Variants in ZSCAN25 observed in about 807,000 individuals in gnomAD.
The protein encoded by ZSCAN25 is zinc finger and SCAN domain-containing protein 25.
Under a neutral mutation model 38.7 loss-of-function variants are expected in ZSCAN25, and 27 were observed. The ratio of observed to expected loss-of-function variants is 0.70; its 90% confidence interval spans 0.51 to 0.96. ZSCAN25 has a LOEUF of 0.96. Ranked by LOEUF, ZSCAN25 falls within the 40% of genes least tolerant of loss-of-function variation. The pLI is 0.00. For missense variants in ZSCAN25, 637 were observed against 705.9 expected (o/e 0.90, Z 1.11); for synonymous variants, 273 against 277.7 (o/e 0.98, Z 0.17).
At chr7:99,660,517 A>G in the ZSCAN25 span, 6 of 1,612,784 alleles carry the variant, frequency 3.7e-6, no homozygotes, top group Admixed American at 1.7e-5. Context: ...GCAAAACTGC[A>G]TCAATCTCCT....
At chr7:99,705,353 A>G in the ZSCAN25 span, 10 of 873,128 alleles carry the variant, frequency 1.1e-5, no homozygotes, top group Middle Eastern at 2.2e-4. Context: ...AGAGAGCACA[A>G]TGCACGTACA....
downstream of ZSCAN25, among the ~76,000 whole-genome samples, chr7:99,632,927 A>G (rs182058367): frequency 6.6e-6 from 1 of 150,492 alleles, no homozygotes; most frequent in Non-Finnish European, 1.5e-5. Context: ...CTTGAGATTT[A>G]TTCATTTTAA....
chr7:99,667,314 C>G, the ZSCAN25 span, among the ~76,000 whole-genome samples: 1 of 152,204 alleles, frequency 6.6e-6, no homozygotes, highest in Non-Finnish European at 1.5e-5. Context: ...ATCTCAGTCT[C>G]CTTTTAATTG....
At chr7:99,647,468 C>T in the ZSCAN25 span, 2 of 984,450 alleles carry the variant, frequency 2.0e-6, no homozygotes, top group South Asian at 4.7e-5. Flanking sequence ...ATTTTTTATT[C>T]AGTGTTCATT....
intron 7 of ZSCAN25, among the ~76,000 whole-genome samples, chr7:99,626,200 C>G (rs1807455890): frequency 6.6e-6 from 1 of 152,190 alleles, no homozygotes; most frequent in Non-Finnish European, 1.5e-5. Context: ...GTAGCAGGTG[C>G]AGAAACCTGA....
At chr7:99,638,423 G>A in the ZSCAN25 span, 1 of 1,577,920 alleles carries the variant, frequency 6.3e-7, no homozygotes, top group Non-Finnish European at 8.7e-7. Context: ...TGAGGATTAT[G>A]GCATCCCTCA....
At chr7:99,669,888 G>T in the ZSCAN25 span, among the ~76,000 whole-genome samples, 1 of 152,156 alleles carries the variant, frequency 6.6e-6, no homozygotes, top group Admixed American at 6.5e-5. Context: ...AGAGGGACTT[G>T]TACAATTAAT....
the ZSCAN25 span, chr7:99,660,640 G>C: frequency 6.2e-7 from 1 of 1,613,872 alleles, no homozygotes; most frequent in Non-Finnish European, 8.5e-7. Context: ...ACTGGGCTGC[G>C]AGCTCCAGAT....
the ZSCAN25 span, among the ~76,000 whole-genome samples, chr7:99,689,852 A>G: frequency 1.1e-4 from 16 of 152,254 alleles, no homozygotes; most frequent in African/African-American, 3.9e-4. Flanking sequence ...AAGAATCAAT[A>G]TTGTGAAAAT....
the ZSCAN25 span, among the ~76,000 whole-genome samples, chr7:99,655,805 A>G: frequency 6.6e-6 from 1 of 152,168 alleles, no homozygotes; most frequent in Non-Finnish European, 1.5e-5. Context: ...ATCCCTTGTA[A>G]GTTGAATTCC....
At chr7:99,730,291 T>C in the ZSCAN25 span, among the ~76,000 whole-genome samples, 1 of 152,238 alleles carries the variant, frequency 6.6e-6, no homozygotes, top group East Asian at 1.9e-4. Flanking sequence ...ATTCTGCCTT[T>C]GTGTAAAAAA....
At chr7:99,683,222 T>A in the ZSCAN25 span, among the ~76,000 whole-genome samples, 25 of 152,318 alleles carry the variant, frequency 1.6e-4, no homozygotes, top group South Asian at 5.2e-3. Context: ...CTGGTTCCTT[T>A]CAGTGGAAAA....
At position 99,619,812 on chromosome 7, in the gene ZSCAN25, G is replaced by A. The variant is rs746507735; in HGVS notation, c.206G>A (p.Arg69Gln). 2.7e-5 allele frequency: 43 copies of A among 1,614,126 alleles called. No individual in the cohort carries two copies. Among genetic ancestry groups the A allele is most frequent in the East Asian group, 1.1e-4 (5 of 44,892 alleles). The change falls in exon 4 of 8, where the codon CGG becomes CAG. Residue 69 changes from arginine (R) to glutamine (Q), a missense_variant. Transcript: ENST00000394152. ...AGGGAGCTCCAGGAGCTCTGTCGTC[G>A]GTGGCTGAGGCCCGAGTTGCACACC... ...ALRELQELCR[R>Q]WLRPELHTKE...
At chr7:99,650,297 G>T in the ZSCAN25 span, 3 of 1,513,878 alleles carry the variant, frequency 2.0e-6, no homozygotes, top group African/African-American at 4.1e-5. Context: ...ACATGTTAGG[G>T]GTTCTTACTT....
the ZSCAN25 span, among the ~76,000 whole-genome samples, chr7:99,723,528 C>T: frequency 6.6e-6 from 1 of 152,140 alleles, no homozygotes; most frequent in African/African-American, 2.4e-5. Flanking sequence ...AGCTTTATTG[C>T]TCACACAAAG....
the ZSCAN25 span, chr7:99,665,113 G>T: frequency 9.2e-6 from 13 of 1,414,966 alleles, no homozygotes; most frequent in Middle Eastern, 1.8e-4. Context: ...TGAATTATAT[G>T]TCAAGAAAGC....
chr7:99,648,232 T>A, the ZSCAN25 span: 1 of 1,558,708 alleles, frequency 6.4e-7, no homozygotes, highest in Non-Finnish European at 8.7e-7. Context: ...AAGGTTTTAT[T>A]GACTAAGTTG....
the ZSCAN25 span, among the ~76,000 whole-genome samples, chr7:99,723,560 A>G: frequency 6.6e-6 from 1 of 152,122 alleles, no homozygotes; most frequent in African/African-American, 2.4e-5. Context: ...GTCTCTTCAC[A>G]TGGACGCAAA....
chr7:99,629,257 T>C lies in ZSCAN25; in HGVS notation c.872T>C (p.Leu291Pro), dbSNP rs751264586. 5.0e-6 allele frequency: 8 copies of C among 1,613,950 alleles called. No individual in the cohort carries two copies. The African/African-American group carries it at 1.1e-4, about 22-fold the overall frequency. The part of the protein sequence containing the change: ...QEDLKGALVA[L>P]TSERFGEASL... ...GACCTGAAAGGGGCGCTGGTGGCAC[T>C]GACATCAGAGAGGTTTGGGGAAGCC... Residue 291 changes from leucine to proline, a missense_variant, in exon 8 of 8, where the codon CTG becomes CCG. Leu to Pro is a moderately conservative substitution (Grantham distance 98). Transcript: ENST00000394152. This position sits in a 1 kb window ranked among gnomAD's most constrained non-coding sequence, Gnocchi z 5.6.
Sources: gnomAD v4.1 joint callset for allele counts (sites outside exome capture counted in the v4.1 genomes callset) on GRCh38, gnomAD v4.1.1 for gene constraint, Gnocchi (gnomAD v3.1) non-coding constraint, MANE v1.5 for transcripts, NCBI Gene and HGNC (gene_info 2026-07-23, HGNC 2026-07-21) for gene names.